DMD: variants seen among roughly 807,000 people sequenced by gnomAD.
The protein encoded by DMD is dystrophin, also known as mutant dystrophin.
A neutral mutation model predicts 330.1 loss-of-function variants in DMD; 63 were observed. The ratio of observed to expected loss-of-function variants is 0.19; its 90% confidence interval spans 0.16 to 0.24. The LOEUF (loss-of-function observed/expected upper bound fraction) is 0.24. Among genes scored for constraint, DMD ranks in the 10% least tolerant of loss-of-function variants. The pLI is 1.00. For synonymous variants in DMD, 1,223 were observed against 959.8 expected (o/e 1.27, Z -5.07); for missense variants, 3,344 against 2,684.1 (o/e 1.25, Z -5.43).
intron 63 of DMD, among the ~76,000 whole-genome samples, chrX:31,225,760 T>A (rs1261499337): frequency 8.9e-6 from 1 of 111,999 alleles, no homozygotes; most frequent in East Asian, 2.8e-4. Flanking sequence ...GTGATGCTGA[T>A]GCTGCTGGTC....
chrX:32,950,023 G>T (rs764959786), intron 2 of DMD, among the ~76,000 whole-genome samples: 6 of 68,131 alleles, frequency 8.8e-5, no homozygotes, highest in Non-Finnish European at 1.7e-4. Flanking sequence ...GACTGGTATT[G>T]CTAGTAGAAC....
chrX:31,837,367 G>A (rs894503671), intron 48 of DMD, among the ~76,000 whole-genome samples: 1 of 111,468 alleles, frequency 9.0e-6, no homozygotes, highest in African/African-American at 3.3e-5. Context: ...TCTGAAGAAC[G>A]ATTAATTTTG....
chrX:33,031,600 G>A (rs749863204), intron 1 of DMD, among the ~76,000 whole-genome samples: 3 of 110,701 alleles, frequency 2.7e-5, no homozygotes, highest in African/African-American at 6.6e-5. Context: ...GTGAAGCCCC[G>A]TCTCTACTAA....
intron 55 of DMD, among the ~76,000 whole-genome samples, chrX:31,554,718 C>A (rs2074700275): frequency 8.9e-6 from 1 of 111,975 alleles, no homozygotes; most frequent in African/African-American, 3.2e-5. Context: ...CTTACTTATT[C>A]ATTAATGCTT....
At chrX:31,309,103 C>T (rs770255925) in intron 62 of DMD, among the ~76,000 whole-genome samples, 1 of 111,445 alleles carries the variant, frequency 9.0e-6, no homozygotes, top group Non-Finnish European at 1.9e-5. Context: ...TCATCAAAAT[C>T]AAAACAAATG....
chrX:32,057,285 G>C (rs2096184119), intron 44 of DMD, among the ~76,000 whole-genome samples: 1 of 111,200 alleles, frequency 9.0e-6, no homozygotes, highest in Admixed American at 9.6e-5. Context: ...AGATAAGAAA[G>C]AGAAATAAAA....
chrX:31,388,246 A>G (rs779881626), intron 60 of DMD, among the ~76,000 whole-genome samples: 103 of 108,771 alleles, frequency 9.5e-4, no homozygotes, highest in South Asian at 5.7e-3. Context: ...CTCGTGATCC[A>G]CCCGCCTTGG....
intron 23 of DMD, among the ~76,000 whole-genome samples, chrX:32,465,437 T>C (rs1603634122): frequency 9.0e-6 from 1 of 111,194 alleles, no homozygotes; most frequent in East Asian, 2.8e-4. Context: ...TCCCCTTTAA[T>C]GTGATTATTA....
chrX:33,012,933 A>C (rs2093728219), intron 2 of DMD, among the ~76,000 whole-genome samples: 1 of 111,025 alleles, frequency 9.0e-6, no homozygotes. Context: ...AACTTCCTAA[A>C]CAATGGTTGC....
chrX:32,242,032 A>G (rs2097210636), intron 43 of DMD, among the ~76,000 whole-genome samples: 1 of 111,734 alleles, frequency 8.9e-6, no homozygotes, highest in African/African-American at 3.3e-5. Flanking sequence ...GAGACCCAAG[A>G]TAAGATGATT....
At chrX:33,002,266 C>T (rs1405193770) in intron 2 of DMD, among the ~76,000 whole-genome samples, 2 of 110,729 alleles carry the variant, frequency 1.8e-5, no homozygotes, top group Non-Finnish European at 3.8e-5. Flanking sequence ...GTGTCTTGAT[C>T]AAAGAATTGG....
At chrX:32,553,450 C>T (rs776023694) in intron 16 of DMD, among the ~76,000 whole-genome samples, 119 of 106,477 alleles carry the variant, frequency 1.1e-3, no homozygotes, top group African/African-American at 4.2e-3. Flanking sequence ...AAAAAAACTA[C>T]TTATTGGGTA....
At chrX:33,232,299 T>C (rs2052402293) in intron 1 of DMD, among the ~76,000 whole-genome samples, 1 of 111,825 alleles carries the variant, frequency 8.9e-6, no homozygotes, top group Non-Finnish European at 1.9e-5. Context: ...AAAACAAAAT[T>C]ATCTATTCTT....
chrX:32,336,870 A>C (rs1198381116), intron 41 of DMD, among the ~76,000 whole-genome samples: 1 of 112,031 alleles, frequency 8.9e-6, no homozygotes, highest in Non-Finnish European at 1.9e-5. Flanking sequence ...TTAGGCCTCT[A>C]TGTTAGCAGA....
intron 44 of DMD, among the ~76,000 whole-genome samples, chrX:32,136,024 G>T (rs1016690602): frequency 8.9e-6 from 1 of 111,916 alleles, no homozygotes; most frequent in African/African-American, 3.2e-5. Flanking sequence ...AAATCATGGG[G>T]AATTTTTTAT....
At chrX:33,045,301 C>A (rs1425153089) in intron 1 of DMD, among the ~76,000 whole-genome samples, 1 of 95,223 alleles carries the variant, frequency 1.1e-5, no homozygotes, top group Non-Finnish European at 2.1e-5. Context: ...CAGAACTACA[C>A]ACACACAGGT....
chrX:33,203,270 A>G (rs2051382557), intron 1 of DMD, among the ~76,000 whole-genome samples: 1 of 112,098 alleles, frequency 8.9e-6, no homozygotes, highest in African/African-American at 3.2e-5. Flanking sequence ...ATATTACTCA[A>G]CAATTCTGAC....
intron 62 of DMD, among the ~76,000 whole-genome samples, chrX:31,290,866 T>C (rs1372896703): frequency 8.9e-6 from 1 of 112,248 alleles, no homozygotes; most frequent in Admixed American, 9.4e-5. Flanking sequence ...GGCTATGAAC[T>C]AAGCAATTTT....
chrX:32,444,049 C>A (rs1379987918), intron 27 of DMD, among the ~76,000 whole-genome samples: 1 of 110,527 alleles, frequency 9.0e-6, no homozygotes, highest in African/African-American at 3.3e-5. Flanking sequence ...TATAAAAATA[C>A]TGGCGTATCA....
Sources: allele counts gnomAD v4.1 joint callset (sites outside exome capture counted in the v4.1 genomes callset), GRCh38; gene constraint gnomAD v4.1.1; transcripts MANE v1.5; gene names NCBI Gene and HGNC (gene_info 2026-07-23, HGNC 2026-07-21).